The following ASXL2 variants were observed in gnomAD, a reference collection of about 807,000 sequenced individuals.
The protein encoded by ASXL2 is putative Polycomb group protein ASXL2.
Under a neutral mutation model 122.0 loss-of-function variants are expected in ASXL2, and 23 were observed. That is an observed-to-expected ratio of 0.19 (90% confidence interval 0.14 to 0.27). ASXL2 has a LOEUF of 0.27. Among genes scored for constraint, ASXL2 ranks in the 10% least tolerant of loss-of-function variants. The pLI, the probability that ASXL2 is intolerant of heterozygous loss-of-function variation, is 1.00. For missense variants in ASXL2, 1,518 were observed against 1,713.8 expected (o/e 0.89, Z 2.02); for synonymous variants, 650 against 637.0 (o/e 1.02, Z -0.31).
At chr2:25,828,824 C>CAAAAAAA (rs1031358836) in intron 3 of ASXL2, among the ~76,000 whole-genome samples, 113 of 49,740 alleles carry the variant, frequency 2.3e-3, no homozygotes, top group East Asian at 3.1e-3. Flanking sequence ...GACTGTGTCT[C>CAAAAAAA]AAAAAAAAAA....
At chr2:25,800,315 A>T (rs1037094585) in intron 4 of ASXL2, among the ~76,000 whole-genome samples, 2 of 152,012 alleles carry the variant, frequency 1.3e-5, no homozygotes, top group Non-Finnish European at 2.9e-5. Flanking sequence ...TAAATAAAAT[A>T]ATTTCATTAA....
At chr2:25,843,273 G>C (rs930063118) in intron 2 of ASXL2, among the ~76,000 whole-genome samples, 20 of 146,214 alleles carry the variant, frequency 1.4e-4, no homozygotes, top group African/African-American at 5.1e-4. Flanking sequence ...CTGCACTCCA[G>C]CCTGGGCGAC....
intron 8 of ASXL2, among the ~76,000 whole-genome samples, chr2:25,763,645 ACAG>A (rs2088291561): frequency 6.6e-6 from 1 of 152,202 alleles, no homozygotes; most frequent in Admixed American, 6.5e-5. Flanking sequence ...AGTAAGAGCA[ACAG>A]CAGCAGCAGC....
At chr2:25,790,519 A>C (rs534640455) in intron 5 of ASXL2, among the ~76,000 whole-genome samples, 4 of 152,270 alleles carry the variant, frequency 2.6e-5, no homozygotes, top group African/African-American at 9.6e-5. Context: ...ACTTATAGAA[A>C]AATAATCCCT....
At chr2:25,789,664 G>C (rs2088802577) in intron 5 of ASXL2, among the ~76,000 whole-genome samples, 1 of 152,124 alleles carries the variant, frequency 6.6e-6, no homozygotes, top group South Asian at 2.1e-4. Flanking sequence ...CCAACACGAT[G>C]CTCAAAGGAA....
At chr2:25,874,899 G>A (rs1163845044) in intron 1 of ASXL2, among the ~76,000 whole-genome samples, 1 of 150,728 alleles carries the variant, frequency 6.6e-6, no homozygotes, top group East Asian at 1.9e-4. Flanking sequence ...GAGCAACATA[G>A]GGAGACCCTC....
chr2:25,805,218 G>A (rs1385755301), intron 4 of ASXL2, among the ~76,000 whole-genome samples: 10 of 152,088 alleles, frequency 6.6e-5, no homozygotes, highest in Non-Finnish European at 1.5e-4. Flanking sequence ...TTATAAAAAC[G>A]GAATAATAAC....
intron 6 of ASXL2, among the ~76,000 whole-genome samples, chr2:25,769,696 A>G (rs908763342): frequency 6.6e-6 from 1 of 151,928 alleles, no homozygotes; most frequent in Non-Finnish European, 1.5e-5. Flanking sequence ...AAACGAAGAA[A>G]GTAATTTCAG....
chr2:25,786,227 A>G (rs2088742170), intron 5 of ASXL2, among the ~76,000 whole-genome samples: 1 of 140,024 alleles, frequency 7.1e-6, no homozygotes. Context: ...CAAACAACCT[A>G]CTACTCCACA....
chr2:25,770,385 C>A (rs892257480), intron 6 of ASXL2, among the ~76,000 whole-genome samples: 1 of 152,178 alleles, frequency 6.6e-6, no homozygotes, highest in South Asian at 2.1e-4. Context: ...AGGTGATCCG[C>A]CTGCCTTGGC....
chr2:25,767,631 G>T lies in ASXL2; in HGVS notation c.727C>A (p.Leu243Ile). 1 of 1,613,924 alleles carries T rather than the reference G, an allele frequency of 6.2e-7. No individual in the cohort carries two copies. Among genetic ancestry groups the T allele is most frequent in the Non-Finnish European group, 8.5e-7 (1 of 1,179,850 alleles). ...TGGAATGACTTCTTCCCCAAGCCTAGTAAAGTATTTTCCACTTTAACTGAG... is the reference window on the plus strand; with the variant it reads ...TGGAATGACTTCTTCCCCAAGCCTATTAAAGTATTTTCCACTTTAACTGAG... ...SSSVKVENTL[L>I]GLGKKSFQRS... Residue 243 changes from leucine (L) to isoleucine (I), a missense_variant, in exon 8 of 13, where the codon CTA (leucine) becomes ATA (isoleucine). Leu to Ile is a conservative substitution (Grantham distance 5). Transcript: ENST00000435504.
rs2087735878 is a variant in ASXL2, at chr2:25,736,398, G to A, written c.*5631C>T. 1 of 152,044 alleles carries A rather than the reference G, an allele frequency of 6.6e-6. No homozygotes were observed. Among genetic ancestry groups the A allele is most frequent in the Non-Finnish European group, 1.5e-5 (1 of 68,012 alleles). 9.4% of individuals were successfully genotyped at this position (152,044 alleles called of 1,614,324 possible). On this transcript the variant is annotated 3_prime_UTR_variant, in exon 13 of 13. Transcript: ENST00000435504. ...AAATGGGGAGTCAATCTTTGTAAAT[G>A]GTCATTATGGATTAGTTTATACACA...
rs555600044 is a variant in ASXL2 at position 25,772,557 on chromosome 2, C to A, written c.404-1017G>T. On this transcript the variant is annotated intron_variant, in intron 5 of 12. Transcript: ENST00000435504. ...GAACAGCCTGACCAACATGGAGAAA[C>A]CCTATCTCTACTAAAAATACAAAAT... Among the ~76,000 whole-genome samples, 39 of 151,894 alleles carry A rather than the reference C, an allele frequency of 2.6e-4. 1 individual carries two copies. Among genetic ancestry groups the A allele is most frequent in the African/African-American group, 9.4e-4 (39 of 41,434 alleles).
At chr2:25,853,496 A>G (rs2149196910) in intron 1 of ASXL2, among the ~76,000 whole-genome samples, 1 of 152,100 alleles carries the variant, frequency 6.6e-6, no homozygotes, top group Non-Finnish European at 1.5e-5. Flanking sequence ...ACAGTCTTTT[A>G]ATGTTGGTCT....
intron 3 of ASXL2, among the ~76,000 whole-genome samples, chr2:25,832,339 A>C (rs1417617196): frequency 6.6e-6 from 1 of 152,192 alleles, no homozygotes; most frequent in Non-Finnish European, 1.5e-5. Context: ...CCCAGTTGAA[A>C]CAGTTAAGAA....
chr2:25,745,798 C>T (rs2087932016), intron 12 of ASXL2, among the ~76,000 whole-genome samples: 1 of 151,334 alleles, frequency 6.6e-6, no homozygotes, highest in Non-Finnish European at 1.5e-5. Context: ...TGCCTGCCAC[C>T]ACACCCAGCT....
Position 25,744,370 on chromosome 2 carries a change from G to A in ASXL2, c.1967C>T (p.Thr656Ile). The part of the protein sequence containing the change: ...ITSPNRTGAR[T>I]LADIKAKAQL... Reference sequence around the variant, plus strand: ...GGCTTTTGCTTTGATGTCTGCAAGAGTTCTGGCTCCTGTTCTGTTAGGACT... The same window carrying A: ...GGCTTTTGCTTTGATGTCTGCAAGAATTCTGGCTCCTGTTCTGTTAGGACT... The change falls in exon 13 of 13, where the codon ACT becomes ATT. Residue 656 changes from threonine to isoleucine, a missense_variant. By Grantham distance (89) the Thr-to-Ile change is moderately conservative. Around this residue, in one of 8 missense-constraint regions of ASXL2, gnomAD observed 48 missense variants for 82.1 expected, o/e 0.58. Transcript: ENST00000435504. The surrounding 1 kb of genome is among the most constrained non-coding windows in gnomAD (Gnocchi z 4.7). 1 of 1,614,006 alleles carries A rather than the reference G, an allele frequency of 6.2e-7. No homozygotes were observed. The highest frequency in any genetic ancestry group is 8.5e-7 in the Non-Finnish European group (1 of 1,179,886).
chr2:25,829,793 C>A (rs1348622128), intron 3 of ASXL2, among the ~76,000 whole-genome samples: 3 of 152,292 alleles, frequency 2.0e-5, no homozygotes, highest in Admixed American at 6.5e-5. Flanking sequence ...CCAAATGGCA[C>A]AAGCAAGTGG....
chr2:25,865,376 G>A (rs1215129313), intron 1 of ASXL2, among the ~76,000 whole-genome samples: 1 of 151,846 alleles, frequency 6.6e-6, no homozygotes, highest in African/African-American at 2.4e-5. Context: ...AGATTGCAGT[G>A]AGCTGAGATC....
Sources: gnomAD v4.1 joint callset for allele counts (sites outside exome capture counted in the v4.1 genomes callset) on GRCh38, gnomAD v4.1.1 for gene constraint, gnomAD v4.1.1 regional missense constraint, Gnocchi (gnomAD v3.1) non-coding constraint, MANE v1.5 for transcripts, NCBI Gene and HGNC (gene_info 2026-07-23, HGNC 2026-07-21) for gene names.